RBFOX1: variants seen among roughly 807,000 people sequenced by gnomAD.
The protein encoded by RBFOX1 is RNA binding fox-1 homolog 1.
Under a neutral mutation model 57.7 loss-of-function variants are expected in RBFOX1, and 8 were observed. That is an observed-to-expected ratio of 0.14 (90% CI 0.08 to 0.25). The LOEUF is 0.25. Among genes scored for constraint, RBFOX1 ranks in the 10% least tolerant of loss-of-function variants. The probability of loss-of-function intolerance (pLI) is 1.00; values close to 1 mark genes in which losing one functional copy is unlikely to be tolerated. For synonymous variants in RBFOX1, 326 were observed against 222.4 expected (o/e 1.47, Z -4.15); for missense variants, 611 against 548.5 (o/e 1.11, Z -1.14).
chr16:5,948,765 G>C (rs1157725665), intron 4 of RBFOX1, among the ~76,000 whole-genome samples: 1 of 152,162 alleles, frequency 6.6e-6, no homozygotes, highest in Non-Finnish European at 1.5e-5. Context: ...GTCTCCAGAA[G>C]GGTGAGAGAA....
At chr16:5,680,190 G>T (rs1202536013) in intron 3 of RBFOX1, among the ~76,000 whole-genome samples, 1 of 152,222 alleles carries the variant, frequency 6.6e-6, no homozygotes, top group African/African-American at 2.4e-5. Flanking sequence ...GCTTGCAGGG[G>T]CATTGCTGCA....
At chr16:6,622,378 G>A (rs1051332858) in intron 2 of RBFOX1, among the ~76,000 whole-genome samples, 14 of 151,946 alleles carry the variant, frequency 9.2e-5, no homozygotes, top group Non-Finnish European at 1.5e-4. Flanking sequence ...ATTTAGATAC[G>A]TAGTACTTAC....
chr16:7,380,485 C>G (rs1470714250), intron 4 of RBFOX1, among the ~76,000 whole-genome samples: 1 of 152,212 alleles, frequency 6.6e-6, no homozygotes, highest in African/African-American at 2.4e-5. Flanking sequence ...TTATGTACTT[C>G]AGTCTTAACA....
chr16:5,656,933 G>A (rs1182811243), intron 3 of RBFOX1, among the ~76,000 whole-genome samples: 1 of 152,138 alleles, frequency 6.6e-6, no homozygotes, highest in African/African-American at 2.4e-5. Flanking sequence ...GACCTGTCAG[G>A]GGGTGGGGAG....
chr16:5,799,100 G>A (rs985787159), intron 3 of RBFOX1, among the ~76,000 whole-genome samples: 1 of 152,142 alleles, frequency 6.6e-6, no homozygotes, highest in Non-Finnish European at 1.5e-5. Context: ...GGCTGGGGAG[G>A]CCTCACAATC....
chr16:6,906,825 C>T (rs529142211), intron 3 of RBFOX1, among the ~76,000 whole-genome samples: 217 of 151,642 alleles, frequency 1.4e-3, no homozygotes, highest in Non-Finnish European at 2.4e-3. Flanking sequence ...TGGGTTCAAG[C>T]AATTCTCCTG....
At chr16:7,251,190 C>T (rs1022203010) in intron 4 of RBFOX1, among the ~76,000 whole-genome samples, 2 of 152,116 alleles carry the variant, frequency 1.3e-5, no homozygotes, top group African/African-American at 4.8e-5. Flanking sequence ...ACCCCAGCCC[C>T]TGGTAAGCAA....
At chr16:7,085,726 C>A (rs1599057504) in intron 4 of RBFOX1, among the ~76,000 whole-genome samples, 1 of 152,122 alleles carries the variant, frequency 6.6e-6, no homozygotes, top group Non-Finnish European at 1.5e-5. Context: ...TCACCGGAAA[C>A]CATAAGAAAG....
chr16:6,033,123 C>G (rs1170910900), intron 1 of RBFOX1, among the ~76,000 whole-genome samples: 1 of 152,100 alleles, frequency 6.6e-6, no homozygotes, highest in Non-Finnish European at 1.5e-5. Flanking sequence ...AAATTGCGTG[C>G]TAATAGTTAG....
intron 1 of RBFOX1, among the ~76,000 whole-genome samples, chr16:6,143,630 T>C (rs1297984270): frequency 6.6e-6 from 1 of 152,186 alleles, no homozygotes; most frequent in East Asian, 1.9e-4. Flanking sequence ...AAATCATGCA[T>C]GTATCTTATA....
At chr16:5,371,025 G>A (rs1299004085) in intron 1 of RBFOX1, among the ~76,000 whole-genome samples, 1 of 152,226 alleles carries the variant, frequency 6.6e-6, no homozygotes, top group Non-Finnish European at 1.5e-5. Flanking sequence ...TTGGCTCACT[G>A]CAACCTCTGC....
intron 3 of RBFOX1, among the ~76,000 whole-genome samples, chr16:6,825,807 C>T (rs994459212): frequency 1.3e-5 from 2 of 152,126 alleles, no homozygotes; most frequent in African/African-American, 2.4e-5. Flanking sequence ...GAGACAGAGG[C>T]AGCGATCCTG....
At chr16:6,777,890 C>A (rs1473172766) in intron 3 of RBFOX1, among the ~76,000 whole-genome samples, 1 of 152,138 alleles carries the variant, frequency 6.6e-6, no homozygotes, top group Non-Finnish European at 1.5e-5. Context: ...AGCTGACTTC[C>A]ATCCATATTG....
chr16:7,248,977 C>A (rs564272914), intron 4 of RBFOX1, among the ~76,000 whole-genome samples: 1 of 152,064 alleles, frequency 6.6e-6, no homozygotes, highest in African/African-American at 2.4e-5. Context: ...TCTGTGGAAT[C>A]CCAGATAGGT....
chr16:7,280,987 C>G lies in RBFOX1; in HGVS notation c.27+228889C>G, dbSNP rs1297000789. Among the ~76,000 whole-genome samples, 4 of 120,380 alleles carry G rather than the reference C, an allele frequency of 3.3e-5. 1 individual carries two copies. Among genetic ancestry groups the G allele is most frequent in the South Asian group, 3.5e-4 (1 of 2,850 alleles). The allele number at this position is 120,380 out of a possible 152,430, so 79.0% of individuals were successfully genotyped here. ...TCCCTCCCTCCCTCCCTCCCTCCCTCCCTCCTTCCTTCCTTCCTTCCTTCC... is the reference window on the plus strand; with the variant it reads ...TCCCTCCCTCCCTCCCTCCCTCCCTGCCTCCTTCCTTCCTTCCTTCCTTCC... On this transcript the variant is annotated intron_variant, in intron 4 of 15. Transcript: ENST00000550418.
chr16:7,218,307 A>G (rs747954815), intron 4 of RBFOX1, among the ~76,000 whole-genome samples: 3 of 152,158 alleles, frequency 2.0e-5, no homozygotes, highest in Admixed American at 6.5e-5. Flanking sequence ...AAAAATTGCT[A>G]TAATACTCTA....
chr16:5,388,056 C>T (rs892630691), intron 1 of RBFOX1, among the ~76,000 whole-genome samples: 5 of 152,128 alleles, frequency 3.3e-5, no homozygotes, highest in Admixed American at 6.5e-5. Flanking sequence ...CCCATAGAAA[C>T]GCCAGGAAGG....
chr16:7,096,931 CAAA>C (rs59519427), intron 4 of RBFOX1, among the ~76,000 whole-genome samples: 1 of 69,110 alleles, frequency 1.4e-5, no homozygotes, highest in Admixed American at 2.2e-4. Context: ...GACTCCATCT[CAAA>C]AAAAAAAAAA....
intron 4 of RBFOX1, among the ~76,000 whole-genome samples, chr16:7,355,854 T>C (rs1051085174): frequency 2.0e-5 from 3 of 152,234 alleles, no homozygotes; most frequent in African/African-American, 7.2e-5. Context: ...TCAGGGTCAT[T>C]TGCAGCTCCC....
Sources: gnomAD v4.1 joint callset for allele counts (sites outside exome capture counted in the v4.1 genomes callset) on GRCh38, gnomAD v4.1.1 for gene constraint, MANE v1.5 for transcripts, NCBI Gene and HGNC (gene_info 2026-07-23, HGNC 2026-07-21) for gene names.